The following GATA4 variants were observed in gnomAD, a reference collection of about 807,000 sequenced individuals.
GATA4 encodes transcription factor GATA-4.
GATA4 carries 7 observed loss-of-function variants against 37.9 expected under a neutral mutation model. The observed-to-expected ratio is 0.18, with a 90% CI of 0.11 to 0.35. The LOEUF (loss-of-function observed/expected upper bound fraction) is 0.35. Among genes scored for constraint, GATA4 ranks in the 10% least tolerant of loss-of-function variants. The pLI, the probability that GATA4 is intolerant of heterozygous loss-of-function variation, is 1.00. For synonymous variants in GATA4, 372 were observed against 292.6 expected, an observed-to-expected ratio of 1.27 and a Z score of -2.77; for missense variants, 647 against 653.0, an observed-to-expected ratio of 0.99 and a Z score of 0.10.
At chr8:11,752,473 A>G (rs1802351610) in intron 4 of GATA4, among the ~76,000 whole-genome samples, 1 of 152,206 alleles carries the variant, frequency 6.6e-6, no homozygotes, top group Non-Finnish European at 1.5e-5. Context: ...TAAAACCATC[A>G]GCTCTCATGA....
intron 2 of GATA4, among the ~76,000 whole-genome samples, chr8:11,745,362 T>G (rs1801977551): frequency 6.9e-6 from 1 of 144,694 alleles, no homozygotes. Flanking sequence ...TCGCTTGAGC[T>G]TAGGAGTTCA....
intron 1 of GATA4, among the ~76,000 whole-genome samples, chr8:11,699,096 C>T (rs556175828): frequency 6.6e-6 from 1 of 152,218 alleles, no homozygotes; most frequent in Non-Finnish European, 1.5e-5. Context: ...CTACTGTAAT[C>T]CTTGCTTTGG....
At position 11,677,818 on chromosome 8, in the gene GATA4, GT is replaced by G. The variant is rs147542432; in HGVS notation, c.-274+759del. Among the ~76,000 whole-genome samples the G allele has an allele frequency of 5.1e-3, 781 of 152,108 alleles. 8 individuals are homozygous for G. The highest frequency in any genetic ancestry group is 0.017 in the African/African-American group (699 of 41,478). On this transcript the variant is annotated intron_variant, in intron 1 of 6. Coordinates refer to the GATA4 transcript ENST00000528712. Reference sequence around the variant, plus strand: ...AGATGGGAAGGAGGCGTGGGGGTGGGTTTTGCAGGTGGACCACAGAGCTCGT... The same window carrying G: ...AGATGGGAAGGAGGCGTGGGGGTGGGTTTGCAGGTGGACCACAGAGCTCGT...
intron 1 of GATA4, among the ~76,000 whole-genome samples, chr8:11,705,300 C>T (rs985712083): frequency 1.3e-5 from 2 of 152,180 alleles, no homozygotes; most frequent in African/African-American, 4.8e-5. Context: ...AGGTGATGCT[C>T]CGCACACGTC....
intron 2 of GATA4, among the ~76,000 whole-genome samples, chr8:11,711,465 A>G (rs894063525): frequency 2.0e-5 from 3 of 152,104 alleles, no homozygotes; most frequent in Non-Finnish European, 4.4e-5. Context: ...GCACTTACAT[A>G]AAAGCAACTG....
At chr8:11,682,815 TG>T (rs1287705689) in intron 1 of GATA4, among the ~76,000 whole-genome samples, 14 of 152,314 alleles carry the variant, frequency 9.2e-5, no homozygotes. Flanking sequence ...CGTGGCGATG[TG>T]GGGAGGGAGT....
chr8:11,756,868 C>T (rs1296009778), intron 5 of GATA4, 67 bp from the exon 6 acceptor site: 27 of 1,608,516 alleles, frequency 1.7e-5, no homozygotes, highest in African/African-American at 2.7e-5. Flanking sequence ...CCGGCTGTCT[C>T]GCAGGCTGCC....
chr8:11,753,619 C>T (rs1802410734), intron 4 of GATA4, among the ~76,000 whole-genome samples: 1 of 151,670 alleles, frequency 6.6e-6, no homozygotes, highest in South Asian at 2.1e-4. Context: ...GACACCCTTC[C>T]ACAAGGTGGG....
intron 1 of GATA4, among the ~76,000 whole-genome samples, chr8:11,693,263 A>G (rs1266567383): frequency 2.0e-5 from 3 of 152,104 alleles, no homozygotes; most frequent in South Asian, 2.1e-4. Flanking sequence ...CCCAGCAGAT[A>G]GAGACCAGCC....
At chr8:11,744,200 C>T (rs922932562) in intron 2 of GATA4, among the ~76,000 whole-genome samples, 4 of 152,196 alleles carry the variant, frequency 2.6e-5, no homozygotes, top group Admixed American at 1.3e-4. Context: ...CAATAACCAG[C>T]GCCAAAGTTT....
rs560158266 is a variant in GATA4, at chr8:11,709,092, G to A, written c.616+164G>A. Among the ~76,000 whole-genome samples, 105 of 152,250 alleles carry A rather than the reference G, an allele frequency of 6.9e-4. 1 individual carries two copies. The Middle Eastern group carries it at 0.014, about 20-fold the overall frequency. On this transcript the variant is annotated intron_variant, in intron 2 of 6. Transcript: ENST00000532059. This position sits in a 1 kb window ranked among gnomAD's most constrained non-coding sequence, Gnocchi z 4.3. ...AGGCAGAAGCCAGTGCGGGGCTGGC[G>A]ACATCACAGCCCCAGAAGACCGGCT...
intron 1 of GATA4, among the ~76,000 whole-genome samples, chr8:11,696,588 T>A: frequency 6.6e-6 from 1 of 152,382 alleles, no homozygotes; most frequent in Non-Finnish European, 1.5e-5. Context: ...ACAACAATAC[T>A]ACTTTAGAGT....
chr8:11,758,110 C>G (rs1421859247), intron 6 of GATA4, among the ~76,000 whole-genome samples, 183 bp from the exon 7 acceptor site: 2 of 152,180 alleles, frequency 1.3e-5, no homozygotes, highest in Admixed American at 1.3e-4. Flanking sequence ...GATGCATCAC[C>G]CAGACCCTTC....
At chr8:11,697,538 AG>A in intron 1 of GATA4, 1 of 985,094 alleles carries the variant, frequency 1.0e-6, no homozygotes, top group Non-Finnish European at 1.2e-6. Flanking sequence ...GTGGTCGTGG[AG>A]GCCACTTTCC....
intron 2 of GATA4, among the ~76,000 whole-genome samples, chr8:11,744,061 A>G (rs1450835598): frequency 6.6e-6 from 1 of 152,198 alleles, no homozygotes; most frequent in Non-Finnish European, 1.5e-5. Context: ...CCTTGCTGTC[A>G]GTTGGTTCCT....
At chr8:11,678,909 A>G (rs1798864664) in intron 1 of GATA4, among the ~76,000 whole-genome samples, 1 of 152,164 alleles carries the variant, frequency 6.6e-6, no homozygotes. Context: ...TGTGCTTAGT[A>G]TTGAGGAAGT....
chr8:11,737,497 G>A (rs1420889502), intron 2 of GATA4, among the ~76,000 whole-genome samples: 2 of 152,228 alleles, frequency 1.3e-5, no homozygotes, highest in African/African-American at 2.4e-5. Context: ...GCCCAGACTA[G>A]CCCAGCTTAA....
intron 2 of GATA4, among the ~76,000 whole-genome samples, chr8:11,725,103 G>A (rs535641803): frequency 2.0e-5 from 3 of 152,346 alleles, no homozygotes; most frequent in South Asian, 2.1e-4. Flanking sequence ...AAGGAGTCAC[G>A]CTCTGTCCTT....
intron 1 of GATA4, among the ~76,000 whole-genome samples, chr8:11,679,763 G>A (rs1355332812): frequency 6.6e-6 from 1 of 152,222 alleles, no homozygotes; most frequent in Admixed American, 6.5e-5. Context: ...ACAGGGGCGA[G>A]GTTGGGATCG....
Sources: gnomAD v4.1 joint callset for allele counts (sites outside exome capture counted in the v4.1 genomes callset) on GRCh38, gnomAD v4.1.1 for gene constraint, Gnocchi (gnomAD v3.1) non-coding constraint, MANE v1.5 for transcripts, NCBI Gene and HGNC (gene_info 2026-07-23, HGNC 2026-07-21) for gene names.